Variants in MCTP1 observed in about 807,000 individuals in gnomAD.
The protein encoded by MCTP1 is multiple C2 and transmembrane domain-containing protein 1.
In MCTP1, 69 loss-of-function variants were observed where a neutral mutation model predicts 120.6. The ratio of observed to expected loss-of-function variants is 0.57; its 90% CI spans 0.47 to 0.70. The LOEUF (loss-of-function observed/expected upper bound fraction) is 0.70. Ranked by LOEUF, MCTP1 falls within the 30% of genes least tolerant of loss-of-function variation. The pLI is 0.00. For missense variants in MCTP1, 1,203 were observed against 1,248.8 expected, an observed-to-expected ratio of 0.96 and a Z score of 0.55; for synonymous variants, 529 against 493.1, an observed-to-expected ratio of 1.07 and a Z score of -0.96.
rs143455831 is a variant in MCTP1, at chr5:94,982,843, C to T, written c.839-29482G>A. On this transcript the variant is annotated intron_variant, in intron 2 of 22. Coordinates refer to ENST00000515393, the MANE Select transcript of MCTP1 (RefSeq NM_024717.7). ...GGAAGAGGCTGCAGTGAGCCAAGAT[C>T]GTGCCACTGTACTCTACCTGGGGGA... 5.1e-3 allele frequency among the ~76,000 whole-genome samples: 642 copies of T among 126,976 alleles called. 6 individuals are homozygous for T. The highest frequency in any genetic ancestry group is 7.9e-3 in the Non-Finnish European group (509 of 64,204). 83.3% of individuals were successfully genotyped at this position (126,976 alleles called of 152,430 possible).
chr5:95,050,456 A>T (rs1199158072), intron 1 of MCTP1, among the ~76,000 whole-genome samples: 3 of 152,160 alleles, frequency 2.0e-5, no homozygotes, highest in Admixed American at 2.0e-4. Flanking sequence ...TGGGGATGAG[A>T]GTAGAAATGA....
At chr5:94,823,884 A>T (rs1161893988) in intron 17 of MCTP1, among the ~76,000 whole-genome samples, 2 of 152,176 alleles carry the variant, frequency 1.3e-5, no homozygotes, top group Admixed American at 6.5e-5. Context: ...TGATTTTTGC[A>T]CATTGATTTT....
intron 19 of MCTP1, among the ~76,000 whole-genome samples, chr5:94,730,228 A>T (rs1289153775): frequency 2.0e-5 from 3 of 152,218 alleles, no homozygotes; most frequent in Non-Finnish European, 4.4e-5. Flanking sequence ...TGATGCAAAC[A>T]TGGCCCACTG....
intron 17 of MCTP1, among the ~76,000 whole-genome samples, chr5:94,848,275 C>A (rs1398461516): frequency 1.3e-5 from 2 of 151,912 alleles, no homozygotes. Flanking sequence ...AATAAAGAAG[C>A]GTCTTTCCCC....
At chr5:95,124,728 T>C (rs1758497986) in intron 1 of MCTP1, among the ~76,000 whole-genome samples, 1 of 152,214 alleles carries the variant, frequency 6.6e-6, no homozygotes, top group Non-Finnish European at 1.5e-5. Context: ...CCCTCAAATA[T>C]ATGATCCCAC....
intron 1 of MCTP1, among the ~76,000 whole-genome samples, chr5:95,170,853 G>T (rs778531683): frequency 1.3e-4 from 20 of 152,094 alleles, no homozygotes; most frequent in African/African-American, 4.8e-4. Flanking sequence ...ATGGGTCTTG[G>T]CTCTTTATCC....
Position 95,056,912 on chromosome 5 carries a change from T to C in MCTP1, c.721-39428A>G, listed in dbSNP as rs942982154. Reference sequence around the variant, plus strand: ...GCAAATACATACGTATTTCTAAGAATTGATCTCTCAAATAGTGAGTATGAA... The same window carrying C: ...GCAAATACATACGTATTTCTAAGAACTGATCTCTCAAATAGTGAGTATGAA... On this transcript the variant is annotated intron_variant, in intron 1 of 22. Transcript: ENST00000515393. 7.2e-5 allele frequency among the ~76,000 whole-genome samples: 11 copies of C among 152,260 alleles called. No homozygotes were observed. The East Asian group carries it at 1.2e-3, about 16-fold the overall frequency.
At chr5:95,044,976 AAAACTTTT>A (rs1842931279) in intron 1 of MCTP1, among the ~76,000 whole-genome samples, 1 of 152,146 alleles carries the variant, frequency 6.6e-6, no homozygotes, top group African/African-American at 2.4e-5. Context: ...TCTCCTGCCT[AAAACTTTT>A]TAGTGAACTT....
At chr5:94,946,733 A>G (rs1428486737) in intron 3 of MCTP1, among the ~76,000 whole-genome samples, 2 of 152,110 alleles carry the variant, frequency 1.3e-5, no homozygotes, top group Non-Finnish European at 2.9e-5. Context: ...AAGGTTCTGC[A>G]CCTTACAAAC....
chr5:94,757,542 G>C (rs180716733), intron 19 of MCTP1, among the ~76,000 whole-genome samples: 7 of 152,288 alleles, frequency 4.6e-5, no homozygotes, highest in Admixed American at 4.6e-4. Context: ...CAGGTTTAGA[G>C]CGAAATATAT....
intron 1 of MCTP1, among the ~76,000 whole-genome samples, chr5:95,181,772 G>A (rs920721269): frequency 2.6e-5 from 4 of 152,188 alleles, no homozygotes; most frequent in Non-Finnish European, 5.9e-5. Context: ...TTTGCCACCA[G>A]CCCTTCAGTC....
intron 2 of MCTP1, among the ~76,000 whole-genome samples, chr5:94,989,984 T>TAATAAA (rs1406799860): frequency 1.3e-5 from 2 of 152,180 alleles, no homozygotes; most frequent in Non-Finnish European, 2.9e-5. Flanking sequence ...CTGAGTTGTA[T>TAATAAA]CCTTTATAAT....
chr5:95,064,541 T>G (rs774130899), intron 1 of MCTP1, among the ~76,000 whole-genome samples: 2 of 152,224 alleles, frequency 1.3e-5, no homozygotes, highest in Non-Finnish European at 2.9e-5. Flanking sequence ...AAATGAAATG[T>G]CTATATAGTT....
intron 18 of MCTP1, among the ~76,000 whole-genome samples, chr5:94,782,000 T>C (rs182976731): frequency 6.6e-6 from 1 of 152,260 alleles, no homozygotes; most frequent in Non-Finnish European, 1.5e-5. Flanking sequence ...GATGGTTTCC[T>C]ATCGATGCCT....
At chr5:95,276,036 G>GA (rs1759799939) in intron 1 of MCTP1, among the ~76,000 whole-genome samples, 1 of 152,088 alleles carries the variant, frequency 6.6e-6, no homozygotes, top group Admixed American at 6.6e-5. Flanking sequence ...CTCCATGGGA[G>GA]AAAAACGTCC....
intron 1 of MCTP1, among the ~76,000 whole-genome samples, chr5:95,107,937 A>G (rs1409163501): frequency 6.6e-6 from 1 of 152,104 alleles, no homozygotes; most frequent in Non-Finnish European, 1.5e-5. Flanking sequence ...GGTTTGCTGC[A>G]CCTATCAACC....
In MCTP1 at chr5:94,867,548, C is replaced by A. The variant is rs771850636; in HGVS notation, c.2436+785G>T. 34 of 443,592 alleles carry A rather than the reference C, an allele frequency of 7.7e-5. 1 individual carries two copies. Among genetic ancestry groups the A allele is most frequent in the South Asian group, 5.2e-5 (1 of 19,092 alleles). The allele number at this position is 443,592 out of a possible 1,614,324, so 27.5% of individuals were successfully genotyped here. ...CAACTATAAGGAAGCATAAGGTACT[C>A]ATATTTGAACAAACATGAAAATAAA... On this transcript the variant is annotated intron_variant, in intron 17 of 22. Transcript: ENST00000515393.
intron 1 of MCTP1, among the ~76,000 whole-genome samples, chr5:95,065,617 G>A (rs187172315): frequency 3.9e-5 from 6 of 152,246 alleles, no homozygotes; most frequent in African/African-American, 4.8e-5. Flanking sequence ...CTCTTAATCC[G>A]ATAAAAGCAA....
chr5:95,268,886 C>T lies in MCTP1; in HGVS notation c.720+14970G>A, dbSNP rs115502376. On this transcript the variant is annotated intron_variant, in intron 1 of 22. Coordinates refer to ENST00000515393, the MANE Select transcript of MCTP1 (RefSeq NM_024717.7). ...GTGTCAGTGTATGTCTTTCATCCAT[C>T]GCTGGGTCAGGGTCTGTGGGTTGGA... 9.3e-3 allele frequency among the ~76,000 whole-genome samples: 1,421 copies of T among 152,300 alleles called. 12 individuals carry two copies. The highest frequency in any genetic ancestry group is 0.017 in the Non-Finnish European group (1,124 of 68,022).
Sources: gnomAD v4.1 joint callset for allele counts (sites outside exome capture counted in the v4.1 genomes callset) on GRCh38, gnomAD v4.1.1 for gene constraint, MANE v1.5 for transcripts, NCBI Gene and HGNC (gene_info 2026-07-23, HGNC 2026-07-21) for gene names.